The following DNAJC15 variants were observed in gnomAD, a reference collection of about 807,000 sequenced individuals.
The protein encoded by DNAJC15 is DnaJ heat shock protein family (Hsp40) member C15.
A neutral mutation model predicts 22.4 loss-of-function variants in DNAJC15; 27 were observed. The ratio of observed to expected loss-of-function variants is 1.20; its 90% CI spans 0.89 to 1.66. DNAJC15 has a LOEUF of 1.66. DNAJC15 is among the 40% of genes most tolerant of loss of function. The pLI, the probability that DNAJC15 is intolerant of heterozygous loss-of-function variation, is 0.00. For synonymous variants in DNAJC15, 79 were observed against 63.2 expected (o/e 1.25, Z -1.19); for missense variants, 208 against 187.1 (o/e 1.11, Z -0.65).
intron 4 of DNAJC15, 48 bp downstream of exon 4, chr13:43,078,736 T>C (rs748932094): frequency 1.3e-6 from 2 of 1,557,330 alleles, no homozygotes; most frequent in Non-Finnish European, 8.8e-7. Context: ...CAAGCTTGTC[T>C]TTAAAAAAGA....
At chr13:43,091,772 A>T (rs9590739) in intron 5 of DNAJC15, among the ~76,000 whole-genome samples, 1 of 150,790 alleles carries the variant, frequency 6.6e-6, no homozygotes, top group Non-Finnish European at 1.5e-5. Context: ...AATTTTCATT[A>T]TGATTTTTTT....
chr13:43,094,716 T>TG (rs1298516494), intron 5 of DNAJC15, among the ~76,000 whole-genome samples: 1 of 152,184 alleles, frequency 6.6e-6, no homozygotes, highest in African/African-American at 2.4e-5. Flanking sequence ...TTTTCAAACT[T>TG]GCCTTTTTCA....
chr13:43,110,436 A>G lies in DNAJC15; in HGVS notation c.*3188A>G, dbSNP rs953722766. The G allele has an allele frequency of 6.6e-6, 1 of 152,240 alleles. No homozygotes were observed. The highest frequency in any genetic ancestry group is 2.4e-5 in the African/African-American group (1 of 41,440). 9.4% of individuals were successfully genotyped at this position (152,240 alleles called of 1,614,324 possible). ...ACTGAAGGAATCAGTGCTCATCTTTAATATGCAGCAGGACAGGTTTGGGAT... is the reference window on the plus strand; with the variant it reads ...ACTGAAGGAATCAGTGCTCATCTTTGATATGCAGCAGGACAGGTTTGGGAT... On this transcript the variant is annotated 3_prime_UTR_variant, in exon 6 of 6. Coordinates refer to ENST00000379221, the MANE Select transcript of DNAJC15 (RefSeq NM_013238.3).
intron 1 of DNAJC15, among the ~76,000 whole-genome samples, chr13:43,056,002 G>C (rs1300939923): frequency 6.6e-6 from 1 of 152,076 alleles, no homozygotes; most frequent in Non-Finnish European, 1.5e-5. Flanking sequence ...TTGACCCAAA[G>C]ATCATTCAGG....
intron 2 of DNAJC15, among the ~76,000 whole-genome samples, chr13:43,068,134 A>G (rs2040592175): frequency 6.6e-6 from 1 of 152,142 alleles, no homozygotes; most frequent in South Asian, 2.1e-4. Context: ...TAAAGCCTGT[A>G]GTGTCATATA....
At chr13:43,081,225 C>G (rs552660841) in intron 4 of DNAJC15, among the ~76,000 whole-genome samples, 4 of 152,098 alleles carry the variant, frequency 2.6e-5, no homozygotes, top group Non-Finnish European at 5.9e-5. Flanking sequence ...TGTTTTTATA[C>G]CTGGTATAGT....
intron 1 of DNAJC15, among the ~76,000 whole-genome samples, chr13:43,033,550 C>T (rs568911848): frequency 5.9e-5 from 9 of 152,270 alleles, no homozygotes; most frequent in South Asian, 4.1e-4. Flanking sequence ...ATTTAGTTTT[C>T]GTGTCTGTTT....
intron 3 of DNAJC15, among the ~76,000 whole-genome samples, chr13:43,071,235 T>C (rs2040607182): frequency 6.6e-6 from 1 of 152,316 alleles, no homozygotes; most frequent in Admixed American, 6.5e-5. Context: ...GATATACTCA[T>C]GTAAACTCTT....
At chr13:43,045,165 C>T (rs183100781) in intron 1 of DNAJC15, among the ~76,000 whole-genome samples, 1 of 152,288 alleles carries the variant, frequency 6.6e-6, no homozygotes, top group Admixed American at 6.5e-5. Flanking sequence ...GTTAGGCACA[C>T]TGGGCACACC....
chr13:43,104,460 A>C (rs1566218901), intron 5 of DNAJC15, among the ~76,000 whole-genome samples: 1 of 152,128 alleles, frequency 6.6e-6, no homozygotes, highest in East Asian at 1.9e-4. Context: ...TTTATATTTT[A>C]TTTAGCTCTT....
chr13:43,078,245 A>G (rs573759394), intron 3 of DNAJC15, among the ~76,000 whole-genome samples: 10 of 152,266 alleles, frequency 6.6e-5, no homozygotes, highest in Non-Finnish European at 1.2e-4. Flanking sequence ...CTAGTGTGGT[A>G]GGCTAAACGA....
intron 1 of DNAJC15, among the ~76,000 whole-genome samples, chr13:43,050,939 A>G (rs949510193): frequency 9.9e-5 from 15 of 151,866 alleles, no homozygotes; most frequent in Admixed American, 2.6e-4. Context: ...TGATCTACCT[A>G]ATTTGGGTTT....
chr13:43,032,123 G>A (rs528364661), intron 1 of DNAJC15, among the ~76,000 whole-genome samples: 1 of 152,342 alleles, frequency 6.6e-6, no homozygotes, highest in South Asian at 2.1e-4. Context: ...TGCTGGAGCA[G>A]TTGCTAAAGA....
At chr13:43,105,076 A>C (rs1226348727) in intron 5 of DNAJC15, among the ~76,000 whole-genome samples, 1 of 151,552 alleles carries the variant, frequency 6.6e-6, no homozygotes, top group East Asian at 1.9e-4. Flanking sequence ...AGATATTATA[A>C]CCAGGAGAGC....
Position 43,023,752 on chromosome 13 carries a change from C to G in DNAJC15, c.108+18C>G. 6.3e-7 allele frequency: 1 copy of G among 1,590,484 alleles called. No individual in the cohort carries two copies. Among genetic ancestry groups the G allele is most frequent in the Non-Finnish European group, 8.6e-7 (1 of 1,168,344 alleles). ...AGAGACTGGTGAGTCCTGCCAGCGG[C>G]CCCCACCCCTCTCTGGCTCCCTTGT... On this transcript the variant is annotated intron_variant, in intron 1 of 5. Coordinates refer to ENST00000379221, the MANE Select transcript of DNAJC15 (RefSeq NM_013238.3).
intron 5 of DNAJC15, 120 bp from the exon 6 acceptor site, chr13:43,107,058 A>C: frequency 1.3e-6 from 1 of 747,666 alleles, no homozygotes; most frequent in Non-Finnish European, 1.9e-6. Context: ...CTTATAAAAT[A>C]ATTTGTCAGA....
At chr13:43,042,013 T>C (rs905874954) in intron 1 of DNAJC15, among the ~76,000 whole-genome samples, 5 of 152,194 alleles carry the variant, frequency 3.3e-5, no homozygotes, top group African/African-American at 1.2e-4. Flanking sequence ...ATTTCTTTAA[T>C]GGTTGGATGT....
intron 5 of DNAJC15, among the ~76,000 whole-genome samples, chr13:43,093,195 CCTCT>C (rs2040723586): frequency 6.6e-6 from 1 of 151,774 alleles, no homozygotes; most frequent in African/African-American, 2.4e-5. Flanking sequence ...TTCCATCTTC[CCTCT>C]GTTTTCTTAA....
At chr13:43,048,569 CT>C (rs953309884) in intron 1 of DNAJC15, among the ~76,000 whole-genome samples, 13 of 152,162 alleles carry the variant, frequency 8.5e-5, no homozygotes, top group Non-Finnish European at 1.8e-4. Context: ...TATATATCAT[CT>C]TTTTTTCCCC....
Sources: allele counts gnomAD v4.1 joint callset (sites outside exome capture counted in the v4.1 genomes callset), GRCh38; gene constraint gnomAD v4.1.1; transcripts MANE v1.5; gene names NCBI Gene and HGNC (gene_info 2026-07-23, HGNC 2026-07-21).